The following PSD3 variants were observed in gnomAD, a reference collection of about 807,000 sequenced individuals.
PSD3 encodes PH and SEC7 domain-containing protein 3.
PSD3 carries 49 observed loss-of-function variants against 105.5 expected under a neutral mutation model. That is an observed-to-expected ratio of 0.46 (90% CI 0.37 to 0.59). The LOEUF (loss-of-function observed/expected upper bound fraction) is 0.59, where lower values mean the gene tolerates loss of function less well. Ranked by LOEUF, PSD3 falls within the 20% of genes least tolerant of loss-of-function variation. PSD3 has a pLI of 0.00. For missense variants in PSD3, 1,561 were observed against 1,263.8 expected, an observed-to-expected ratio of 1.24 and a Z score of -3.57; for synonymous variants, 557 against 457.8, an observed-to-expected ratio of 1.22 and a Z score of -2.77.
intron 1 of PSD3, among the ~76,000 whole-genome samples, chr8:19,062,262 A>G (rs925741560): frequency 6.6e-6 from 1 of 152,224 alleles, no homozygotes; most frequent in Admixed American, 6.5e-5. Flanking sequence ...CAGTTAATTT[A>G]TGGAATCCTG....
intron 4 of PSD3, among the ~76,000 whole-genome samples, chr8:18,809,530 CAG>C (rs1305457392): frequency 6.6e-6 from 1 of 152,184 alleles, no homozygotes; most frequent in Non-Finnish European, 1.5e-5. Context: ...CATCAAAAAA[CAG>C]TGTCTAGTGT....
chr8:18,590,932 A>G (rs1206528584), intron 12 of PSD3, among the ~76,000 whole-genome samples: 1 of 152,160 alleles, frequency 6.6e-6, no homozygotes, highest in Non-Finnish European at 1.5e-5. Flanking sequence ...AAAGAATAAG[A>G]CGCCAAAACT....
At chr8:18,582,103 C>T (rs543008406) in intron 12 of PSD3, among the ~76,000 whole-genome samples, 19 of 152,000 alleles carry the variant, frequency 1.3e-4, no homozygotes, top group African/African-American at 3.9e-4. Flanking sequence ...AGACAGACAC[C>T]GGGGACTTAT....
Position 18,804,783 on chromosome 8 carries a change from C to T in PSD3, c.1750G>A (p.Ala584Thr). The change falls in exon 5 of 16, where the codon GCA becomes ACA. Residue 584 changes from alanine to threonine, a missense_variant. Transcript: ENST00000327040. The stretch of plus-strand genomic sequence containing the variant: ...AGGCGTTTGGCCAACCTTTTGGCTG[C>T]TTCCACATTGCTGCTGGTACCATTA... ...LSNGTSSNVE[A>T]AKRLAKRLYQ... The T allele has an allele frequency of 3.7e-6, 6 of 1,614,170 alleles. No homozygotes were observed. Among genetic ancestry groups the T allele is most frequent in the Non-Finnish European group, 5.1e-6 (6 of 1,180,006 alleles).
intron 9 of PSD3, among the ~76,000 whole-genome samples, chr8:18,710,232 G>C (rs887494855): frequency 6.6e-6 from 1 of 152,138 alleles, no homozygotes; most frequent in African/African-American, 2.4e-5. Flanking sequence ...ACCATGTGGA[G>C]GAGAGAATCT....
intron 10 of PSD3, among the ~76,000 whole-genome samples, chr8:18,654,374 GAA>G (rs1808734502): frequency 6.6e-6 from 1 of 152,100 alleles, no homozygotes; most frequent in South Asian, 2.1e-4. Context: ...GTTCATTGTA[GAA>G]TGCTCTGTTA....
intron 11 of PSD3, among the ~76,000 whole-genome samples, chr8:18,628,749 G>A (rs187003586): frequency 1.3e-5 from 2 of 151,836 alleles, no homozygotes; most frequent in South Asian, 4.1e-4. Flanking sequence ...CAATTTGAAG[G>A]TGAACTGTGA....
intron 8 of PSD3, among the ~76,000 whole-genome samples, chr8:18,790,363 A>C (rs1159739330): frequency 1.4e-5 from 2 of 138,722 alleles, no homozygotes; most frequent in Non-Finnish European, 3.0e-5. Flanking sequence ...AGTGCAGTGG[A>C]GTGATCTCGG....
intron 8 of PSD3, among the ~76,000 whole-genome samples, chr8:18,796,442 G>A (rs190901206): frequency 8.7e-4 from 132 of 152,260 alleles, no homozygotes; most frequent in African/African-American, 3.1e-3. Flanking sequence ...GCACACGCAT[G>A]CTATATACAT....
At chr8:19,079,801 G>A (rs529843075) in intron 1 of PSD3, among the ~76,000 whole-genome samples, 5 of 152,184 alleles carry the variant, frequency 3.3e-5, no homozygotes, top group Non-Finnish European at 5.9e-5. Context: ...CCTAAGAAAG[G>A]TAAGCTCACT....
At chr8:18,693,351 G>A (rs938227183) in intron 9 of PSD3, among the ~76,000 whole-genome samples, 59 of 152,274 alleles carry the variant, frequency 3.9e-4, no homozygotes, top group African/African-American at 1.3e-3. Context: ...GCAGCAAAGC[G>A]CAATGGCTAT....
At chr8:19,016,594 C>T (rs1306164303), upstream of PSD3, among the ~76,000 whole-genome samples, 1 of 152,186 alleles carries the variant, frequency 6.6e-6, no homozygotes, top group Non-Finnish European at 1.5e-5. Flanking sequence ...TTATCTACCA[C>T]CTACATAATA....
intron 8 of PSD3, among the ~76,000 whole-genome samples, chr8:18,771,492 A>C (rs969798080): frequency 6.6e-6 from 1 of 152,334 alleles, no homozygotes. Context: ...ATATTTAGAT[A>C]TTTGACCCAT....
At chr8:18,964,092 T>C (rs941548922) in intron 1 of PSD3, among the ~76,000 whole-genome samples, 2 of 152,194 alleles carry the variant, frequency 1.3e-5, no homozygotes, top group African/African-American at 4.8e-5. Flanking sequence ...AGAAACACCA[T>C]TCTCTAAATC....
intron 1 of PSD3, among the ~76,000 whole-genome samples, chr8:18,995,503 G>C (rs1433499580): frequency 6.6e-6 from 1 of 151,992 alleles, no homozygotes; most frequent in Admixed American, 6.6e-5. Flanking sequence ...AGGAAGAGCA[G>C]AAGCAAAATC....
At chr8:19,082,179 T>TGG (rs1264461019) in intron 1 of PSD3, among the ~76,000 whole-genome samples, 1 of 152,144 alleles carries the variant, frequency 6.6e-6, no homozygotes, top group African/African-American at 2.4e-5. Flanking sequence ...CACCCAACCC[T>TGG]GGGCAGGGGT....
chr8:18,656,299 C>T (rs535039183), intron 9 of PSD3, among the ~76,000 whole-genome samples: 45 of 151,468 alleles, frequency 3.0e-4, no homozygotes, highest in African/African-American at 1.1e-3. Context: ...CTCAGGTGAT[C>T]CACCTGCCTC....
At chr8:18,563,912 G>T (rs542962126) in intron 14 of PSD3, among the ~76,000 whole-genome samples, 10 of 152,162 alleles carry the variant, frequency 6.6e-5, no homozygotes, top group African/African-American at 2.4e-4. Flanking sequence ...AAATCATCTG[G>T]GTCAGATTAT....
chr8:18,611,400 A>C (rs1805254071), intron 11 of PSD3, among the ~76,000 whole-genome samples: 1 of 152,184 alleles, frequency 6.6e-6, no homozygotes, highest in Non-Finnish European at 1.5e-5. Context: ...CAGCCTAAGA[A>C]CAACAGTTAA....
Sources: gnomAD v4.1 joint callset for allele counts (sites outside exome capture counted in the v4.1 genomes callset) on GRCh38, gnomAD v4.1.1 for gene constraint, MANE v1.5 for transcripts, NCBI Gene and HGNC (gene_info 2026-07-23, HGNC 2026-07-21) for gene names.